Variants in MIPOL1 observed in about 807,000 individuals in gnomAD.
The protein encoded by MIPOL1 is mirror-image polydactyly gene 1 protein.
A neutral mutation model predicts 60.9 loss-of-function variants in MIPOL1; 57 were observed. That is an observed-to-expected ratio of 0.94 (90% confidence interval 0.76 to 1.17). The LOEUF (loss-of-function observed/expected upper bound fraction) is 1.17. MIPOL1 is among the 50% of genes most tolerant of loss of function. The probability of loss-of-function intolerance (pLI) is 0.00; values close to 1 mark genes in which losing one functional copy is unlikely to be tolerated. For missense variants in MIPOL1, 551 were observed against 511.6 expected, an observed-to-expected ratio of 1.08 and a Z score of -0.74; for synonymous variants, 179 against 168.8, an observed-to-expected ratio of 1.06 and a Z score of -0.47.
At chr14:37,241,280 A>C (rs1455564626) in intron 1 of MIPOL1, among the ~76,000 whole-genome samples, 1 of 152,142 alleles carries the variant, frequency 6.6e-6, no homozygotes, top group Non-Finnish European at 1.5e-5. Flanking sequence ...TTGAATGATT[A>C]AATGGCCCAC....
rs192303303 is a variant in MIPOL1, at chr14:37,363,167, C to T, written c.829-6350C>T. 1.1e-4 allele frequency among the ~76,000 whole-genome samples: 16 copies of T among 152,220 alleles called. No homozygotes were observed. In the South Asian group the frequency reaches 1.2e-3, roughly 12 times the overall value. ...TTGTTTCATTGCTGGTGAGGAGCTG[C>T]GATCCTTTGGAGAAGAAGAGGCACT... On this transcript the variant is annotated intron_variant, in intron 9 of 12. Coordinates refer to ENST00000684589, the MANE Select transcript of MIPOL1 (RefSeq NM_001388067.1).
chr14:37,418,482 G>T (rs571879082), intron 10 of MIPOL1, among the ~76,000 whole-genome samples: 12 of 152,058 alleles, frequency 7.9e-5, no homozygotes, highest in Non-Finnish European at 1.6e-4. Flanking sequence ...AATACACTCT[G>T]ATTATTCTGT....
intron 10 of MIPOL1, 171 bp downstream of exon 10, chr14:37,369,795 A>C: frequency 2.3e-6 from 1 of 428,374 alleles, no homozygotes; most frequent in East Asian, 3.5e-5. Context: ...GTATTATTTT[A>C]TTTCACGTAT....
rs1406141761 is a variant in MIPOL1, at chr14:37,521,893, A to T, written c.1262+21755A>T. 2.5e-3 allele frequency among the ~76,000 whole-genome samples: 305 copies of T among 123,566 alleles called. 2 individuals carry two copies. The highest frequency in any genetic ancestry group is 5.4e-3 in the East Asian group (23 of 4,282). The allele number at this position is 123,566 out of a possible 152,430, so 81.1% of individuals were successfully genotyped here. On this transcript the variant is annotated intron_variant, in intron 12 of 12. Coordinates refer to ENST00000684589, the MANE Select transcript of MIPOL1 (RefSeq NM_001388067.1). ...CCAAGACTTTATCTAAAGAAAAAAAAATATATATATATATATATTTTTTTT... is the reference window on the plus strand; with the variant it reads ...CCAAGACTTTATCTAAAGAAAAAAATATATATATATATATATATTTTTTTT...
chr14:37,308,247 C>G (rs2086958515), intron 8 of MIPOL1, 102 bp from the exon 9 acceptor site: 1 of 1,203,182 alleles, frequency 8.3e-7, no homozygotes, highest in Admixed American at 2.6e-5. Flanking sequence ...AATAACTTCA[C>G]TCAGTCAATT....
chr14:37,519,152 C>A (rs912006324), intron 12 of MIPOL1, among the ~76,000 whole-genome samples: 5 of 151,988 alleles, frequency 3.3e-5, no homozygotes, highest in Non-Finnish European at 5.9e-5. Context: ...AAGAAGCAAC[C>A]TTGGTACTAG....
rs552126754 is a variant in MIPOL1 at position 37,343,434 on chromosome 14, A to T, written c.829-26083A>T. Reference sequence around the variant, plus strand: ...TCTATAGTCGTAAGTACTTTCAAACATCTGCAGTTCAGTGTACATAATTCA... The same window carrying T: ...TCTATAGTCGTAAGTACTTTCAAACTTCTGCAGTTCAGTGTACATAATTCA... On this transcript the variant is annotated intron_variant, in intron 9 of 12. Transcript: ENST00000684589. Among the ~76,000 whole-genome samples the T allele has an allele frequency of 3.9e-5, 6 of 152,354 alleles. No individual in the cohort carries two copies. In the South Asian group the frequency reaches 1.2e-3, roughly 32 times the overall value.
intron 10 of MIPOL1, among the ~76,000 whole-genome samples, chr14:37,389,762 A>C (rs929628962): frequency 2.0e-5 from 3 of 151,410 alleles, no homozygotes; most frequent in African/African-American, 7.3e-5. Flanking sequence ...TTTAAAGAAA[A>C]ACAACAGATT....
At chr14:37,533,599 C>A (rs918606832) in intron 12 of MIPOL1, among the ~76,000 whole-genome samples, 13 of 152,218 alleles carry the variant, frequency 8.5e-5, no homozygotes, top group African/African-American at 3.1e-4. Flanking sequence ...AAAACACAAA[C>A]ACCAGAATAA....
intron 7 of MIPOL1, among the ~76,000 whole-genome samples, chr14:37,307,479 C>T (rs561528406): frequency 4.0e-5 from 6 of 151,612 alleles, no homozygotes; most frequent in African/African-American, 1.2e-4. Context: ...GTCTTTATGT[C>T]GAATAATTCT....
chr14:37,547,345 G>A lies in MIPOL1; in HGVS notation c.*374G>A, dbSNP rs2095550896. The stretch of plus-strand genomic sequence containing the variant: ...ATGGCCCTTTCTGAATCAAAGTGCG[G>A]CAAAGTAAATATTGTCTAAGCTTTA... On this transcript the variant is annotated 3_prime_UTR_variant, in exon 13 of 13. Coordinates refer to ENST00000684589, the MANE Select transcript of MIPOL1 (RefSeq NM_001388067.1). The A allele has an allele frequency of 5.6e-6, 1 of 179,100 alleles. No individual in the cohort carries two copies. Among genetic ancestry groups the A allele is most frequent in the South Asian group, 1.5e-4 (1 of 6,804 alleles). The allele number at this position is 179,100 out of a possible 1,614,324, so 11.1% of individuals were successfully genotyped here.
chr14:37,550,531 T>C lies in MIPOL1; in HGVS notation c.*3560T>C, dbSNP rs1469445830. On this transcript the variant is annotated 3_prime_UTR_variant, in exon 13 of 13. Coordinates refer to ENST00000684589, the MANE Select transcript of MIPOL1 (RefSeq NM_001388067.1). Reference sequence around the variant, plus strand: ...ATATATATACATGCACACACACCGATACATTTACCTTTTAAAAAAATGATT... The same window carrying C: ...ATATATATACATGCACACACACCGACACATTTACCTTTTAAAAAAATGATT... The C allele has an allele frequency of 9.2e-6, 1 of 109,046 alleles. No homozygotes were observed. Among genetic ancestry groups the C allele is most frequent in the Non-Finnish European group, 1.9e-5 (1 of 51,340 alleles). 6.8% of individuals were successfully genotyped at this position (109,046 alleles called of 1,614,324 possible). A position where few individuals can be genotyped will look rare whatever the true frequency, so the allele number is the denominator to read the frequency against.
chr14:37,293,933 A>C (rs1051230902), intron 7 of MIPOL1, among the ~76,000 whole-genome samples: 1 of 152,164 alleles, frequency 6.6e-6, no homozygotes, highest in African/African-American at 2.4e-5. Context: ...GACTTTGAAG[A>C]GTCTGTCTGA....
chr14:37,498,000 C>T (rs993215700), intron 11 of MIPOL1, among the ~76,000 whole-genome samples: 1 of 152,150 alleles, frequency 6.6e-6, no homozygotes, highest in African/African-American at 2.4e-5. Flanking sequence ...ATAGCAACAA[C>T]TGTGGACAGT....
chr14:37,307,612 A>G (rs1042107852), intron 7 of MIPOL1, among the ~76,000 whole-genome samples: 7 of 151,980 alleles, frequency 4.6e-5, no homozygotes, highest in Non-Finnish European at 8.8e-5. Context: ...TAGTGTAATT[A>G]TTTGTCATTG....
intron 10 of MIPOL1, chr14:37,401,397 T>C (rs2093478727): frequency 6.6e-6 from 1 of 152,116 alleles, no homozygotes; most frequent in Non-Finnish European, 1.5e-5. Flanking sequence ...TAGACATATC[T>C]AGGCAAAATA....
At chr14:37,481,250 C>T (rs1004917713) in intron 11 of MIPOL1, among the ~76,000 whole-genome samples, 1 of 152,070 alleles carries the variant, frequency 6.6e-6, no homozygotes, top group Non-Finnish European at 1.5e-5. Flanking sequence ...AACCAGAAAT[C>T]AAGAGAACAA....
intron 9 of MIPOL1, among the ~76,000 whole-genome samples, chr14:37,342,540 G>A (rs2090646032): frequency 6.6e-6 from 1 of 151,794 alleles, no homozygotes; most frequent in South Asian, 2.1e-4. Context: ...TGGGATTACA[G>A]GGATGCACCA....
At chr14:37,321,921 C>T (rs1204371787) in intron 9 of MIPOL1, among the ~76,000 whole-genome samples, 1 of 151,862 alleles carries the variant, frequency 6.6e-6, no homozygotes, top group African/African-American at 2.4e-5. Context: ...TTGACCCCAA[C>T]ATCTTATTAT....
Sources: gnomAD v4.1 joint callset for allele counts (sites outside exome capture counted in the v4.1 genomes callset) on GRCh38, gnomAD v4.1.1 for gene constraint, MANE v1.5 for transcripts, NCBI Gene and HGNC (gene_info 2026-07-23, HGNC 2026-07-21) for gene names.